ARHGAP17: variants seen among roughly 807,000 people sequenced by gnomAD.
ARHGAP17 encodes Rho GTPase activating protein 17.
ARHGAP17 carries 57 observed loss-of-function variants against 99.5 expected under a neutral mutation model. The observed-to-expected ratio is 0.57, with a 90% CI of 0.46 to 0.71. The LOEUF (loss-of-function observed/expected upper bound fraction) is 0.71, where lower values mean the gene tolerates loss of function less well. ARHGAP17 is among the 30% of genes least tolerant of loss of function. ARHGAP17 has a pLI of 0.00. For synonymous variants in ARHGAP17, 417 were observed against 429.6 expected (o/e 0.97, Z 0.36); for missense variants, 1,000 against 1,122.4 (o/e 0.89, Z 1.56).
chr16:24,926,109 GAAA>G (rs1175708408), intron 19 of ARHGAP17, among the ~76,000 whole-genome samples: 1 of 107,108 alleles, frequency 9.3e-6, no homozygotes, highest in Admixed American at 1.0e-4. Flanking sequence ...GACTCCGTCT[GAAA>G]AAAAAAAAAG....
chr16:24,932,506 G>A (rs1480368041), intron 18 of ARHGAP17, among the ~76,000 whole-genome samples: 1 of 151,994 alleles, frequency 6.6e-6, no homozygotes, highest in Admixed American at 6.6e-5. Context: ...AGCATGACTA[G>A]TTCACCCTGA....
chr16:24,952,286 T>C lies in ARHGAP17; in HGVS notation c.1046+3A>G. On this transcript the variant is annotated splice_donor_region_variant and intron_variant, in intron 12 of 19. Coordinates refer to ENST00000289968, the MANE Select transcript of ARHGAP17 (RefSeq NM_001006634.3). ...TTTACAACTCTGTGTTCTTTAAACT[T>C]ACCTTGCAACTTGTGTCCATTCTTC... The C allele has an allele frequency of 1.2e-6, 2 of 1,608,824 alleles. No homozygotes were observed. The highest frequency in any genetic ancestry group is 1.1e-5 in the South Asian group (1 of 90,398).
At chr16:24,997,295 CA>C (rs1403953558) in intron 1 of ARHGAP17, among the ~76,000 whole-genome samples, 1 of 151,888 alleles carries the variant, frequency 6.6e-6, no homozygotes, top group Non-Finnish European at 1.5e-5. Flanking sequence ...TATTCTCTAT[CA>C]TTAGCACTTG....
intron 16 of ARHGAP17, among the ~76,000 whole-genome samples, chr16:24,941,038 T>C (rs1274770384): frequency 2.0e-5 from 3 of 152,176 alleles, no homozygotes; most frequent in African/African-American, 4.8e-5. Context: ...ACTGAATGTA[T>C]GAATGAGGGT....
intron 1 of ARHGAP17, among the ~76,000 whole-genome samples, chr16:25,011,153 A>G (rs941695641): frequency 1.7e-4 from 26 of 152,212 alleles, no homozygotes; most frequent in African/African-American, 6.3e-4. Context: ...GAAACAAAAC[A>G]TCTCTCTTTT....
intron 19 of ARHGAP17, among the ~76,000 whole-genome samples, chr16:24,922,786 C>T (rs937429435): frequency 6.6e-6 from 1 of 152,110 alleles, no homozygotes; most frequent in Non-Finnish European, 1.5e-5. Flanking sequence ...ACTGATCCTC[C>T]CACCTCAGCC....
At chr16:24,928,580 T>C (rs955696821) in intron 19 of ARHGAP17, among the ~76,000 whole-genome samples, 2 of 152,138 alleles carry the variant, frequency 1.3e-5, no homozygotes, top group African/African-American at 2.4e-5. Context: ...AAGCATGAAA[T>C]TGTGGAATCG....
At chr16:24,963,750 T>C (rs534159836) in intron 7 of ARHGAP17, among the ~76,000 whole-genome samples, 44 of 152,332 alleles carry the variant, frequency 2.9e-4, no homozygotes, top group African/African-American at 9.9e-4. Context: ...CCTTATCTTC[T>C]CCAAGGACAT....
At chr16:24,977,837 G>A (rs1391841504) in intron 2 of ARHGAP17, among the ~76,000 whole-genome samples, 1 of 152,128 alleles carries the variant, frequency 6.6e-6, no homozygotes, top group Admixed American at 6.5e-5. Context: ...GCTGTTTATG[G>A]CAAAGAGAGC....
intron 1 of ARHGAP17, among the ~76,000 whole-genome samples, chr16:24,981,637 A>G (rs1009632405): frequency 6.6e-6 from 1 of 152,242 alleles, no homozygotes; most frequent in African/African-American, 2.4e-5. Context: ...AATCTCAGAG[A>G]GTAGGGAGTG....
intron 16 of ARHGAP17, among the ~76,000 whole-genome samples, chr16:24,940,836 C>T (rs1365490735): frequency 6.6e-6 from 1 of 152,158 alleles, no homozygotes; most frequent in East Asian, 1.9e-4. Context: ...CTTTTTCTTT[C>T]AGTTCAAAAA....
At chr16:25,002,324 G>T (rs187863386) in intron 1 of ARHGAP17, among the ~76,000 whole-genome samples, 24 of 152,174 alleles carry the variant, frequency 1.6e-4, no homozygotes, top group African/African-American at 5.5e-4. Context: ...CAAACATGGT[G>T]TTCAATGTTC....
At chr16:24,945,343 A>AAAGAAGAAG in intron 14 of ARHGAP17, among the ~76,000 whole-genome samples, 1 of 150,988 alleles carries the variant, frequency 6.6e-6, no homozygotes, top group South Asian at 2.1e-4. Context: ...AGAAAGGAAG[A>AAAGAAGAAG]AAGAAGAAGA....
intron 1 of ARHGAP17, among the ~76,000 whole-genome samples, chr16:25,010,683 C>T (rs1044893874): frequency 6.6e-5 from 10 of 152,312 alleles, no homozygotes; most frequent in East Asian, 1.9e-4. Flanking sequence ...ATAGTGTCCC[C>T]GTAGTTTAAT....
intron 9 of ARHGAP17, 126 bp from the exon 10 acceptor site, chr16:24,954,856 A>G (rs2051759648): frequency 7.7e-7 from 1 of 1,303,656 alleles, no homozygotes; most frequent in Non-Finnish European, 1.1e-6. Context: ...GAGGGGATAC[A>G]TCTGTTCTAT....
chr16:24,952,264 A>C (rs1316566088), intron 12 of ARHGAP17, 25 bp downstream of exon 12: 1 of 1,565,218 alleles, frequency 6.4e-7, no homozygotes, highest in African/African-American at 1.4e-5. Flanking sequence ...TTTAACATTT[A>C]CAACTCTGTG....
intron 1 of ARHGAP17, among the ~76,000 whole-genome samples, chr16:25,010,778 C>A (rs1388078111): frequency 6.6e-6 from 1 of 152,234 alleles, no homozygotes; most frequent in East Asian, 1.9e-4. Context: ...ACCACAGCAG[C>A]CCCTTTGGTG....
At chr16:25,012,430 C>T (rs908571563) in intron 1 of ARHGAP17, among the ~76,000 whole-genome samples, 2 of 152,338 alleles carry the variant, frequency 1.3e-5, no homozygotes, top group Admixed American at 6.5e-5. Flanking sequence ...TAGAATTCCA[C>T]AAATTGATAA....
rs770442080 is a variant in ARHGAP17, at chr16:24,954,598, C to T, written c.852+5G>A. On this transcript the variant is annotated splice_donor_5th_base_variant and intron_variant, in intron 10 of 19. Transcript: ENST00000289968. ...TGGTGCACAGGATCACGAAGCTCCC[C>T]TCACCTCCTCCTTCATGCCTGTCTC... 3 of 1,612,428 alleles carry T rather than the reference C, an allele frequency of 1.9e-6. No homozygotes were observed. The South Asian group carries it at 3.3e-5, about 18-fold the overall frequency.
Sources: allele counts gnomAD v4.1 joint callset (sites outside exome capture counted in the v4.1 genomes callset), GRCh38; gene constraint gnomAD v4.1.1; transcripts MANE v1.5; gene names NCBI Gene and HGNC (gene_info 2026-07-23, HGNC 2026-07-21).